Variants in UNC93A observed in about 807,000 individuals in gnomAD.
UNC93A encodes the protein N-acetylglucosamine transporter UNC93A.
UNC93A carries 43 observed loss-of-function variants against 47.5 expected under a neutral mutation model. The ratio of observed to expected loss-of-function variants is 0.91; its 90% confidence interval spans 0.71 to 1.17. UNC93A has a LOEUF of 1.17. Ranked by LOEUF, UNC93A falls within the 50% of genes most tolerant of loss-of-function variation. UNC93A has a pLI of 0.00. For missense variants in UNC93A, 605 were observed against 577.6 expected, an observed-to-expected ratio of 1.05 and a Z score of -0.49; for synonymous variants, 280 against 258.0, an observed-to-expected ratio of 1.09 and a Z score of -0.82.
chr6:167,273,040 G>A (rs1034466170), intron 1 of UNC93A, among the ~76,000 whole-genome samples: 1 of 152,106 alleles, frequency 6.6e-6, no homozygotes, highest in Non-Finnish European at 1.5e-5. Flanking sequence ...TGGTTTACAG[G>A]CTCGCCTGCC....
At chr6:167,289,541 A>G (rs1783804999), upstream of UNC93A, among the ~76,000 whole-genome samples, 1 of 152,188 alleles carries the variant, frequency 6.6e-6, no homozygotes, top group Non-Finnish European at 1.5e-5. Context: ...GTGGCTGGGA[A>G]GGATGGAAAC....
chr6:167,283,176 C>T (rs56353955), intron 1 of UNC93A, among the ~76,000 whole-genome samples: 34,158 of 152,138 alleles, frequency 0.22, 4,628 homozygotes, highest in Non-Finnish European at 0.31. Context: ...CACAGCTTTG[C>T]AGGGCCATTT....
At chr6:167,294,419 T>C in intron 1 of UNC93A, 98 bp from the exon 2 acceptor site, 2 of 1,423,168 alleles carry the variant, frequency 1.4e-6, no homozygotes, top group Admixed American at 2.0e-5. Context: ...TCCTGGGAGC[T>C]GTGGCGGCCT....
chr6:167,285,596 C>G (rs1259749528), intron 1 of UNC93A, among the ~76,000 whole-genome samples: 2 of 151,568 alleles, frequency 1.3e-5, no homozygotes, highest in Non-Finnish European at 1.5e-5. Flanking sequence ...AGCGGCTTCC[C>G]TGCAGCTGCT....
At chr6:167,282,601 T>G (rs781527317) in intron 1 of UNC93A, among the ~76,000 whole-genome samples, 8 of 152,174 alleles carry the variant, frequency 5.3e-5, no homozygotes, top group Admixed American at 6.5e-5. Context: ...GGGTTGATTA[T>G]AGACTTTCTT....
intron 4 of UNC93A, among the ~76,000 whole-genome samples, chr6:167,298,880 G>A (rs1455725319): frequency 6.6e-6 from 1 of 151,784 alleles, no homozygotes; most frequent in Non-Finnish European, 1.5e-5. Flanking sequence ...TTGGGAGGCT[G>A]AGGCGGGCAG....
At position 167,296,288 on chromosome 6, in the gene UNC93A, T is replaced by A. The variant is rs749988874; in HGVS notation, c.499+27T>A. The A allele has an allele frequency of 2.0e-5, 33 of 1,610,546 alleles. No individual in the cohort carries two copies. The Admixed American group carries it at 5.5e-4, about 27-fold the overall frequency. The stretch of plus-strand genomic sequence containing the variant: ...TAAAAGGAAAAGGGGCAAGCAATTG[T>A]CTCCAAGTGGAGCAGGGGTTTCAGT... On this transcript the variant is annotated intron_variant, in intron 3 of 7. Transcript: ENST00000230256.
At chr6:167,305,882 G>A (rs191690406) in intron 5 of UNC93A, 33 bp from the exon 6 acceptor site, 168 of 1,613,642 alleles carry the variant, frequency 1.0e-4, no homozygotes, top group Middle Eastern at 3.3e-4. Context: ...GCCTGGGAGC[G>A]TCCATGACGT....
chr6:167,311,866 C>T (rs574079204), intron 7 of UNC93A, among the ~76,000 whole-genome samples: 2 of 152,216 alleles, frequency 1.3e-5, no homozygotes, highest in African/African-American at 2.4e-5. Flanking sequence ...GCCAGCTTCC[C>T]CAAATGCTGA....
chr6:167,274,377 C>T (rs549546876), intron 1 of UNC93A, among the ~76,000 whole-genome samples: 47 of 152,308 alleles, frequency 3.1e-4, no homozygotes, highest in African/African-American at 1.1e-3. Context: ...TCGGTCCGTC[C>T]TCCCTCCTCC....
upstream of UNC93A, among the ~76,000 whole-genome samples, chr6:167,290,735 C>A (rs1464803285): frequency 2.0e-5 from 3 of 152,164 alleles, no homozygotes; most frequent in Non-Finnish European, 4.4e-5. Context: ...CTGCCCCAGA[C>A]CAAAATACCA....
intron 1 of UNC93A, among the ~76,000 whole-genome samples, chr6:167,273,560 G>A (rs1271317063): frequency 6.6e-6 from 1 of 152,168 alleles, no homozygotes; most frequent in Non-Finnish European, 1.5e-5. Context: ...GTAAAATATT[G>A]GAGAGATTTA....
At chr6:167,278,514 G>A (rs1047846271) in intron 1 of UNC93A, among the ~76,000 whole-genome samples, 2 of 152,204 alleles carry the variant, frequency 1.3e-5, no homozygotes, top group Non-Finnish European at 2.9e-5. Context: ...GAAGAATTTA[G>A]ACTTTGTCAG....
At chr6:167,297,895 T>A in intron 3 of UNC93A, 50 bp from the exon 4 acceptor site, 1 of 1,599,898 alleles carries the variant, frequency 6.3e-7, no homozygotes. Flanking sequence ...AACCTACATC[T>A]TGTCACATTT....
chr6:167,303,794 C>T (rs1261405005), intron 4 of UNC93A, 125 bp from the exon 5 acceptor site: 6 of 867,606 alleles, frequency 6.9e-6, no homozygotes, highest in African/African-American at 1.7e-5. Context: ...TCTAATGTCG[C>T]CTGAAATCTG....
Position 167,295,726 on chromosome 6 carries a change from TTCCTC to T in UNC93A, c.270-305_270-301del, listed in dbSNP as rs1562350649. The stretch of plus-strand genomic sequence containing the variant: ...CCTCGCCTCCCTCGTGCTCCTCGCC[TTCCTC>T]GTGCTCCTCGCCTCCCTCGTGCTCC... On this transcript the variant is annotated intron_variant, in intron 2 of 7. Transcript: ENST00000230256. Among the ~76,000 whole-genome samples, 68 of 140,348 alleles carry T rather than the reference TTCCTC, an allele frequency of 4.8e-4. 12 individuals carry two copies. Among genetic ancestry groups the T allele is most frequent in the African/African-American group, 1.6e-3 (56 of 35,348 alleles). 92.1% of individuals were successfully genotyped at this position (140,348 alleles called of 152,430 possible).
chr6:167,305,441 C>T (rs1778358083), intron 5 of UNC93A, among the ~76,000 whole-genome samples: 1 of 152,206 alleles, frequency 6.6e-6, no homozygotes, highest in Non-Finnish European at 1.5e-5. Flanking sequence ...CTTGAGGTCG[C>T]CCGTGATGGG....
chr6:167,308,649 G>C (rs1358532380), intron 7 of UNC93A, among the ~76,000 whole-genome samples: 4 of 151,804 alleles, frequency 2.6e-5, no homozygotes, highest in Non-Finnish European at 5.9e-5. Context: ...CCTGGGGGGA[G>C]TGCAGAGGAG....
chr6:167,280,657 C>G (rs1367844601), intron 1 of UNC93A, among the ~76,000 whole-genome samples: 1 of 152,174 alleles, frequency 6.6e-6, no homozygotes, highest in Non-Finnish European at 1.5e-5. Context: ...CCTTTGCTGG[C>G]TGGAACCTGG....
Sources: gnomAD v4.1 joint callset for allele counts (sites outside exome capture counted in the v4.1 genomes callset) on GRCh38, gnomAD v4.1.1 for gene constraint, MANE v1.5 for transcripts, NCBI Gene and HGNC (gene_info 2026-07-23, HGNC 2026-07-21) for gene names.